The following PDE4C variants were observed in gnomAD, a reference collection of about 807,000 sequenced individuals.
PDE4C encodes 3',5'-cyclic-AMP phosphodiesterase 4C.
A neutral mutation model predicts 63.9 loss-of-function variants in PDE4C; 50 were observed. The observed-to-expected ratio is 0.78, with a 90% confidence interval of 0.62 to 0.99. PDE4C has a LOEUF of 0.99. Among genes scored for constraint, PDE4C ranks in the 50% least tolerant of loss-of-function variants. The pLI is 0.00. For missense variants in PDE4C, 777 were observed against 899.1 expected (o/e 0.86, Z 1.74); for synonymous variants, 377 against 385.1 (o/e 0.98, Z 0.25).
upstream of PDE4C, chr19:18,250,379 A>G: frequency 2.5e-6 from 1 of 399,128 alleles, no homozygotes; most frequent in East Asian, 3.6e-5. Context: ...AGCCATGACC[A>G]CAGACCCGAT....
Position 18,221,091 on chromosome 19 carries a change from C to CCCCCCCAAAAAAAAATGGGGGG in PDE4C, c.449+13_449+14insCCCCCCATTTTTTTTTGGGGGG. The CCCCCCCAAAAAAAAATGGGGGG allele has an allele frequency of 7.5e-7, 1 of 1,336,524 alleles. No individual in the cohort carries two copies. The highest frequency in any genetic ancestry group is 1.0e-6 in the Non-Finnish European group (1 of 988,256). The allele number at this position is 1,336,524 out of a possible 1,614,324, so 82.8% of individuals were successfully genotyped here. On this transcript the variant is annotated intron_variant, in intron 4 of 14. Coordinates refer to ENST00000262805, the Ensembl canonical transcript of PDE4C. ...TGCCGGCCCCGCCCCCGCCCCGCCCCGCCCTCTACCTACTTGGCTGCTCCT... is the reference window on the plus strand; with the variant it reads ...TGCCGGCCCCGCCCCCGCCCCGCCCCCCCCCCAAAAAAAAATGGGGGGGCCCTCTACCTACTTGGCTGCTCCT...
upstream of PDE4C, among the ~76,000 whole-genome samples, chr19:18,229,724 C>T (rs1171680207): frequency 1.3e-5 from 2 of 152,148 alleles, no homozygotes; most frequent in East Asian, 1.9e-4. Context: ...CAAGTCCCCA[C>T]GGAGGAGTCA....
At chr19:18,245,161 T>C (rs1383076894) in intron 1 of PDE4C, among the ~76,000 whole-genome samples, 1 of 149,592 alleles carries the variant, frequency 6.7e-6, no homozygotes, top group Non-Finnish European at 1.5e-5. Context: ...TTTGTTTGTT[T>C]GTTTGTTTGT....
chr19:18,246,034 A>T (rs1302566937), intron 1 of PDE4C, among the ~76,000 whole-genome samples: 1 of 134,132 alleles, frequency 7.5e-6, no homozygotes, highest in Non-Finnish European at 1.6e-5. Flanking sequence ...TTTTTGAGAC[A>T]GAGTCTTACT....
chr19:18,240,830 T>C (rs1969023812), intron 1 of PDE4C, among the ~76,000 whole-genome samples: 1 of 152,106 alleles, frequency 6.6e-6, no homozygotes, highest in Non-Finnish European at 1.5e-5. Flanking sequence ...CGGATGTGAG[T>C]TGAACTTGAA....
chr19:18,223,792 A>C (rs1022206269), intron 1 of PDE4C, among the ~76,000 whole-genome samples: 2 of 152,194 alleles, frequency 1.3e-5, no homozygotes, highest in Non-Finnish European at 2.9e-5. Context: ...CGTGGACTGG[A>C]AACAGCTTCT....
intron 1 of PDE4C, chr19:18,224,602 T>A: frequency 1.3e-6 from 1 of 777,196 alleles, no homozygotes; most frequent in Non-Finnish European, 1.6e-6. Context: ...CTAAGTCCGG[T>A]TACGCTCGGT....
chr19:18,218,189 C>T, exon 11 of PDE4C: 1 of 1,614,158 alleles, frequency 6.2e-7, no homozygotes, highest in East Asian at 2.2e-5. Context: ...CAGGATGGTC[C>T]ACGTCGTGGA....
chr19:18,250,238 C>T, upstream of PDE4C: 1 of 398,974 alleles, frequency 2.5e-6, no homozygotes. Context: ...CCCAGGTTGG[C>T]CCTGCTTGGG....
At chr19:18,222,649 CTCGT>C (rs1265551669) in intron 1 of PDE4C, among the ~76,000 whole-genome samples, 67 of 92,580 alleles carry the variant, frequency 7.2e-4, no homozygotes, top group Non-Finnish European at 7.9e-4. Flanking sequence ...TTTTTTCTTT[CTCGT>C]TCTTTCTCTC....
At position 18,220,848 on chromosome 19, in the gene PDE4C, G is replaced by A. The variant is rs368383605; in HGVS notation, c.499+26C>T. 1 of 1,602,368 alleles carries A rather than the reference G, an allele frequency of 6.2e-7. No homozygotes were observed. Among genetic ancestry groups the A allele is most frequent in the East Asian group, 2.2e-5 (1 of 44,536 alleles). On this transcript the variant is annotated intron_variant, in intron 5 of 14. Transcript: ENST00000262805. This position sits in a 1 kb window ranked among gnomAD's most constrained non-coding sequence, Gnocchi z 5.1. ...AGGAAGCTCCCAGCTGTCCTCAGCG[G>A]GGGAGGGAAGGAACAGGTACTTTAC... is the stretch of plus-strand genomic sequence containing the variant.
chr19:18,248,412 T>G (rs1243161291), upstream of PDE4C, among the ~76,000 whole-genome samples: 3 of 11,378 alleles, frequency 2.6e-4, no homozygotes, highest in Non-Finnish European at 4.8e-4. Flanking sequence ...GCCAAGAGGG[T>G]GGCCGGGCAT....
At position 18,222,121 on chromosome 19, in the gene PDE4C, C is replaced by T. The variant is rs764211611; in HGVS notation, c.338+11G>A. 4 of 1,602,484 alleles carry T rather than the reference C, an allele frequency of 2.5e-6. No homozygotes were observed. The highest frequency in any genetic ancestry group is 3.4e-6 in the Non-Finnish European group (4 of 1,170,958). On this transcript the variant is annotated intron_variant, in intron 2 of 14. Transcript: ENST00000262805. ...GTAGAGGCGGTGTCATCCCACCAGCCCCAGACTCACAGGTCGCTGGCCACA... is the reference window on the plus strand; with the variant it reads ...GTAGAGGCGGTGTCATCCCACCAGCTCCAGACTCACAGGTCGCTGGCCACA...
chr19:18,221,210 G>A (rs777887337), intron 3 of PDE4C, 32 bp from the exon 4 acceptor site: 7 of 1,560,788 alleles, frequency 4.5e-6, no homozygotes, highest in African/African-American at 2.7e-5. Flanking sequence ...CGGTGGGAAG[G>A]AGAGGCCGGA....
At chr19:18,250,857 T>C (rs922224329), upstream of PDE4C, among the ~76,000 whole-genome samples, 1 of 150,676 alleles carries the variant, frequency 6.6e-6, no homozygotes, top group African/African-American at 2.5e-5. Flanking sequence ...TACTGTGACC[T>C]CCATCTCCAA....
chr19:18,233,466 C>G, exon 1 of PDE4C: 1 of 676,620 alleles, frequency 1.5e-6, no homozygotes, highest in Non-Finnish European at 2.7e-6. Flanking sequence ...TGAAGAGACC[C>G]CCCCCCAACA....
At chr19:18,218,360 C>G in exon 10 of PDE4C, 1 of 1,614,256 alleles carries the variant, frequency 6.2e-7, no homozygotes, top group Non-Finnish European at 8.5e-7. Flanking sequence ...GCCAGCAGCA[C>G]ATGCGTGGAC....
exon 1 of PDE4C, chr19:18,233,112 C>T: frequency 1.9e-6 from 3 of 1,565,738 alleles, no homozygotes; most frequent in Non-Finnish European, 2.6e-6. Context: ...CTTCGGGGCT[C>T]TGGTCATGCT....
chr19:18,212,473 C>CT (rs368839228), intron 13 of PDE4C, among the ~76,000 whole-genome samples: 79,062 of 131,976 alleles, frequency 0.6, 24,581 homozygotes, highest in Non-Finnish European at 0.69. Flanking sequence ...CTGAGCCCAG[C>CT]TTTTTTTTTT....
Sources: gnomAD v4.1 joint callset for allele counts (sites outside exome capture counted in the v4.1 genomes callset) on GRCh38, gnomAD v4.1.1 for gene constraint, Gnocchi (gnomAD v3.1) non-coding constraint, MANE v1.5 for transcripts, NCBI Gene and HGNC (gene_info 2026-07-23, HGNC 2026-07-21) for gene names.